The following INTS3 variants were observed in gnomAD, a reference collection of about 807,000 sequenced individuals.
The protein encoded by INTS3 is SOSS complex subunit A.
A neutral mutation model predicts 146.3 loss-of-function variants in INTS3; 34 were observed. The observed-to-expected ratio is 0.23, with a 90% confidence interval of 0.18 to 0.31. The LOEUF (loss-of-function observed/expected upper bound fraction) is 0.31. INTS3 is among the 10% of genes least tolerant of loss of function. INTS3 has a pLI of 1.00. For missense variants in INTS3, 757 were observed against 1,304.2 expected (o/e 0.58, Z 6.46); for synonymous variants, 475 against 494.9 (o/e 0.96, Z 0.53).
chr1:153,751,287 A>G, intron 7 of INTS3, 48 bp downstream of exon 7: 1 of 1,598,520 alleles, frequency 6.3e-7, no homozygotes, highest in Non-Finnish European at 8.6e-7. Context: ...ACTCAGGCTA[A>G]GATACCTCTG....
rs192990995 is a variant in INTS3 at position 153,753,512 on chromosome 1, G to T, written c.859+1104G>T. Among the ~76,000 whole-genome samples, 19 of 151,288 alleles carry T rather than the reference G, an allele frequency of 1.3e-4. No individual in the cohort carries two copies. The East Asian group carries it at 3.8e-3, about 30-fold the overall frequency. ...GTGGAGTTTGCAGTAAGCCGAGATC[G>T]CGCCACTGCACTCCAGCCTGGCGAC... On this transcript the variant is annotated intron_variant, in intron 8 of 29. Transcript: ENST00000318967.
At position 153,771,944 on chromosome 1, in the gene INTS3, C is replaced by T; in HGVS notation, c.2701C>T (p.Leu901=). Residue 901 remains leucine (L), a synonymous_variant, in exon 26 of 30, where the codon CTG becomes TTG. Coordinates refer to ENST00000318967, the MANE Select transcript of INTS3 (RefSeq NM_023015.5). ...IKSLLIKNNS[L]PRKRQSLRSS... is the part of the protein sequence containing the mutation. Reference sequence around the variant, plus strand: ...GTCCCTGCTCATCAAGAACAACAGCCTGCCTCGCAAGAGACAGAGGTGGGA... The same window carrying T: ...GTCCCTGCTCATCAAGAACAACAGCTTGCCTCGCAAGAGACAGAGGTGGGA... 1 of 1,613,760 alleles carries T rather than the reference C, an allele frequency of 6.2e-7. No homozygotes were observed. The highest frequency in any genetic ancestry group is 8.5e-7 in the Non-Finnish European group (1 of 1,179,872).
At position 153,757,210 on chromosome 1, in the gene INTS3, C is replaced by T. The variant is rs556360940; in HGVS notation, c.958-362C>T. Among the ~76,000 whole-genome samples the T allele has an allele frequency of 6.0e-4, 92 of 152,258 alleles. No homozygotes were observed. The highest frequency in any genetic ancestry group is 1.0e-3 in the Non-Finnish European group (68 of 68,014). On this transcript the variant is annotated intron_variant, in intron 9 of 29. Coordinates refer to ENST00000318967, the MANE Select transcript of INTS3 (RefSeq NM_023015.5). This position sits in a 1 kb window ranked among gnomAD's most constrained non-coding sequence, Gnocchi z 4.0. ...CTTGAAGAACATTTCTTGCTGTTCA[C>T]CAGTGGCTCAAGAAAATGAGAAAAG...
At chr1:153,765,595 G>C (rs1353921288) in intron 20 of INTS3, among the ~76,000 whole-genome samples, 1 of 151,488 alleles carries the variant, frequency 6.6e-6, no homozygotes, top group African/African-American at 2.4e-5. Context: ...TTTGAGACAG[G>C]GTCTCACTCA....
At chr1:153,768,295 T>C (rs1429993247) in intron 21 of INTS3, among the ~76,000 whole-genome samples, 2 of 152,184 alleles carry the variant, frequency 1.3e-5, no homozygotes, top group Non-Finnish European at 2.9e-5. Flanking sequence ...GTATCGGCCC[T>C]TTCTCCTCTT....
intron 1 of INTS3, among the ~76,000 whole-genome samples, chr1:153,730,837 G>A (rs1671033873): frequency 6.6e-6 from 1 of 152,076 alleles, no homozygotes; most frequent in African/African-American, 2.4e-5. Flanking sequence ...AGCAAGACTT[G>A]CCACACTATT....
chr1:153,733,282 G>A (rs1347137389), intron 1 of INTS3, among the ~76,000 whole-genome samples: 2 of 116,536 alleles, frequency 1.7e-5, no homozygotes, highest in Non-Finnish European at 1.6e-5. Flanking sequence ...GTGCGATCTC[G>A]GCTCACTGCA....
At chr1:153,763,758 A>G (rs1672475171) in intron 16 of INTS3, 74 bp from the exon 17 acceptor site, 2 of 1,266,340 alleles carry the variant, frequency 1.6e-6, no homozygotes, top group Admixed American at 1.9e-5. Flanking sequence ...GTGCTTGTGC[A>G]CTGTTCTGGG....
chr1:153,746,457 G>C (rs1008023313), intron 3 of INTS3, among the ~76,000 whole-genome samples: 1 of 152,032 alleles, frequency 6.6e-6, no homozygotes, highest in South Asian at 2.1e-4. Flanking sequence ...CTAGAGTGCA[G>C]TGGCGCGATC....
intron 16 of INTS3, 97 bp from the exon 17 acceptor site, chr1:153,763,734 CT>C: frequency 9.7e-7 from 1 of 1,035,008 alleles, no homozygotes; most frequent in Non-Finnish European, 1.5e-6. Context: ...TGTTTTGTCT[CT>C]GTGCATGTGA....
chr1:153,758,170 C>G (rs776714852), intron 10 of INTS3, among the ~76,000 whole-genome samples: 2 of 152,208 alleles, frequency 1.3e-5, no homozygotes, highest in Non-Finnish European at 2.9e-5. Flanking sequence ...TCTGTAAATG[C>G]AGCGAATCTG....
At chr1:153,767,861 C>G (rs778925198) in intron 21 of INTS3, 34 bp downstream of exon 21, 2 of 1,563,226 alleles carry the variant, frequency 1.3e-6, no homozygotes, top group East Asian at 4.6e-5. Flanking sequence ...TGCCGGGGGG[C>G]TCACAGGAAC....
intron 21 of INTS3, among the ~76,000 whole-genome samples, chr1:153,768,228 G>C (rs1332161872): frequency 6.6e-6 from 1 of 152,152 alleles, no homozygotes; most frequent in Non-Finnish European, 1.5e-5. Context: ...TTCTGTAGTG[G>C]AGACTCACTT....
At position 153,773,634 on chromosome 1, in the gene INTS3, C is replaced by T; in HGVS notation, c.*364C>T. On this transcript the variant is annotated 3_prime_UTR_variant, in exon 30 of 30. Transcript: ENST00000318967. ...CCATTTCAACAGAGAAGGGAAATGA[C>T]AAAGGGGCAGCTGGCCAGATAAGCT... 2.9e-6 allele frequency: 1 copy of T among 343,342 alleles called. No homozygotes were observed. Among genetic ancestry groups the T allele is most frequent in the South Asian group, 5.2e-5 (1 of 19,316 alleles). 21.3% of individuals were successfully genotyped at this position (343,342 alleles called of 1,614,324 possible).
In INTS3 at chr1:153,773,458, C is replaced by T; in HGVS notation, c.*188C>T. 4.8e-6 allele frequency: 3 copies of T among 626,290 alleles called. No homozygotes were observed. In the African/African-American group the frequency reaches 5.5e-5, roughly 12 times the overall value. The allele number at this position is 626,290 out of a possible 1,614,324, so 38.8% of individuals were successfully genotyped here. On this transcript the variant is annotated 3_prime_UTR_variant, in exon 30 of 30. Coordinates refer to ENST00000318967, the MANE Select transcript of INTS3 (RefSeq NM_023015.5). ...CTGCCATGCAGCCCCTAGCCCCTTC[C>T]CTCCTCCTGGGGCCTCCAGCCCCTC...
Position 153,772,540 on chromosome 1 carries a change from C to T in INTS3, c.2822-99C>T, listed in dbSNP as rs1373583210. 2 of 1,611,030 alleles carry T rather than the reference C, an allele frequency of 1.2e-6. No individual in the cohort carries two copies. The highest frequency in any genetic ancestry group is 1.7e-5 in the Admixed American group (1 of 59,222). On this transcript the variant is annotated intron_variant, in intron 27 of 29. Transcript: ENST00000318967. This position sits in a 1 kb window ranked among gnomAD's most constrained non-coding sequence, Gnocchi z 4.6. ...GGCAGGGGCAGGACACCCGGGGCCACAACCCACACTCGGGATAAAACAACC... is the reference window on the plus strand; with the variant it reads ...GGCAGGGGCAGGACACCCGGGGCCATAACCCACACTCGGGATAAAACAACC...
chr1:153,760,257 A>T (rs879129545), intron 11 of INTS3, 54 bp from the exon 12 acceptor site: 2 of 926,816 alleles, frequency 2.2e-6, no homozygotes, highest in African/African-American at 3.5e-5. Context: ...AAAAAAAAAA[A>T]AGAGAGAGAG....
In INTS3 at chr1:153,740,733, A is replaced by T. The variant is rs1161695159; in HGVS notation, c.233A>T (p.Tyr78Phe). 1 of 1,609,188 alleles carries T rather than the reference A, an allele frequency of 6.2e-7. No homozygotes were observed. Among genetic ancestry groups the T allele is most frequent in the African/African-American group, 1.3e-5 (1 of 74,946 alleles). ...EREANDALNAYVCKGLPQHEE... is the reference protein window; with the variant it reads ...EREANDALNAFVCKGLPQHEE... ...GAAGCCAATGATGCCCTCAATGCGT[A>T]TGTAAGTAGAATGCTGTCCCTGCAG... The change falls in exon 2 of 30, where the codon TAT (tyrosine) becomes TTT (phenylalanine). Residue 78 changes from tyrosine to phenylalanine, a missense_variant and splice_region_variant. By Grantham distance (22) the Tyr-to-Phe change is conservative. Coordinates refer to ENST00000318967, the MANE Select transcript of INTS3 (RefSeq NM_023015.5).
chr1:153,741,505 G>A, intron 3 of INTS3, 137 bp downstream of exon 3: 1 of 638,032 alleles, frequency 1.6e-6, no homozygotes, highest in Non-Finnish European at 2.8e-6. Context: ...ATAGTTACAA[G>A]TCCCTTTTTA....
Sources: gnomAD v4.1 joint callset for allele counts (sites outside exome capture counted in the v4.1 genomes callset) on GRCh38, gnomAD v4.1.1 for gene constraint, Gnocchi (gnomAD v3.1) non-coding constraint, MANE v1.5 for transcripts, NCBI Gene and HGNC (gene_info 2026-07-23, HGNC 2026-07-21) for gene names.